The following MOBP variants were observed in gnomAD, a reference collection of about 807,000 sequenced individuals.
MOBP encodes myelin-associated oligodendrocyte basic protein.
MOBP carries 5 observed loss-of-function variants against 15.0 expected under a neutral mutation model. That is an observed-to-expected ratio of 0.33 (90% CI 0.17 to 0.70). The LOEUF is 0.70. Among genes scored for constraint, MOBP ranks in the 30% least tolerant of loss-of-function variants. The probability of loss-of-function intolerance (pLI) is 0.67; values close to 1 mark genes in which losing one functional copy is unlikely to be tolerated. For synonymous variants in MOBP, 88 were observed against 99.0 expected (o/e 0.89, Z 0.66); for missense variants, 188 against 257.8 (o/e 0.73, Z 1.85).
downstream of MOBP, chr3:39,527,948 G>A (rs1246434698): frequency 1.3e-5 from 2 of 152,156 alleles, no homozygotes; most frequent in African/African-American, 2.4e-5. Context: ...GGATGGCTGA[G>A]CTGACGGTCA....
At chr3:39,496,400 C>T (rs1305443218) in intron 2 of MOBP, among the ~76,000 whole-genome samples, 7 of 151,758 alleles carry the variant, frequency 4.6e-5, no homozygotes, top group Middle Eastern at 3.2e-3. Flanking sequence ...GGGGTTTCAC[C>T]GTGTTAGCCA....
chr3:39,507,075 C>T (rs1441945559), downstream of MOBP, among the ~76,000 whole-genome samples: 1 of 152,168 alleles, frequency 6.6e-6, no homozygotes, highest in Admixed American at 6.6e-5. Flanking sequence ...CTACTGAGCT[C>T]TCTGCTTATA....
rs145162392 is a variant in MOBP at position 39,508,630 on chromosome 3, A to G, written c.*-4753A>G. 4.7e-3 allele frequency among the ~76,000 whole-genome samples: 713 copies of G among 150,840 alleles called. 8 individuals are homozygous for G. The highest frequency in any genetic ancestry group is 0.017 in the African/African-American group (681 of 40,806). ...AATGGCATGATCTCGGCTCACTGCAACCTCTGCCTTCTGGGTTCAAGTGAT... is the reference window on the plus strand; with the variant it reads ...AATGGCATGATCTCGGCTCACTGCAGCCTCTGCCTTCTGGGTTCAAGTGAT... On this transcript the variant is annotated intron_variant, in intron 4 of 4. Coordinates refer to the MOBP transcript ENST00000311042.
At chr3:39,522,505 G>A (rs1311756590) in intron 3 of MOBP, among the ~76,000 whole-genome samples, 1 of 152,136 alleles carries the variant, frequency 6.6e-6, no homozygotes, top group African/African-American at 2.4e-5. Flanking sequence ...AAACAGTCTT[G>A]AAACCATGGC....
At chr3:39,525,086 AG>A (rs1484063560), downstream of MOBP, 1 of 152,206 alleles carries the variant, frequency 6.6e-6, no homozygotes, top group Non-Finnish European at 1.5e-5. Flanking sequence ...ACAAAGTAAA[AG>A]GGTATCCCAA....
intron 1 of MOBP, among the ~76,000 whole-genome samples, chr3:39,472,193 A>G (rs2042480964): frequency 6.6e-6 from 1 of 152,222 alleles, no homozygotes; most frequent in African/African-American, 2.4e-5. Context: ...AGATTACTAA[A>G]ATGAATTCCT....
chr3:39,484,160 A>T (rs1207385868), intron 2 of MOBP, among the ~76,000 whole-genome samples: 1 of 152,212 alleles, frequency 6.6e-6, no homozygotes, highest in Admixed American at 6.5e-5. Context: ...TCAAATCCTG[A>T]TGAGGTAAGA....
intron 2 of MOBP, among the ~76,000 whole-genome samples, chr3:39,486,167 T>A (rs1378894320): frequency 6.6e-6 from 1 of 152,216 alleles, no homozygotes; most frequent in African/African-American, 2.4e-5. Flanking sequence ...TAGGCATACA[T>A]TCTAGTTTAC....
chr3:39,476,889 T>TA (rs1044373588), intron 1 of MOBP, among the ~76,000 whole-genome samples: 1 of 151,888 alleles, frequency 6.6e-6, no homozygotes, highest in African/African-American at 2.4e-5. Flanking sequence ...CATTGACCAT[T>TA]AAAAAAAATT....
intron 4 of MOBP, among the ~76,000 whole-genome samples, chr3:39,511,144 C>T (rs1244011067): frequency 6.6e-6 from 1 of 152,172 alleles, no homozygotes; most frequent in Non-Finnish European, 1.5e-5. Flanking sequence ...CTAATGTCAT[C>T]TTAATGGTTA....
intron 1 of MOBP, among the ~76,000 whole-genome samples, chr3:39,468,245 A>G (rs977376754): frequency 7.2e-5 from 11 of 152,140 alleles, no homozygotes; most frequent in Non-Finnish European, 1.5e-5. Context: ...TGCCCCCTGT[A>G]GACCAACAAC....
At chr3:39,477,323 T>C (rs1437897137) in intron 1 of MOBP, among the ~76,000 whole-genome samples, 1 of 151,994 alleles carries the variant, frequency 6.6e-6, no homozygotes, top group African/African-American at 2.4e-5. Flanking sequence ...AACAATGTTT[T>C]GGTCAATGAC....
chr3:39,473,040 C>T (rs1337864987), intron 1 of MOBP, among the ~76,000 whole-genome samples: 1 of 152,178 alleles, frequency 6.6e-6, no homozygotes, highest in East Asian at 1.9e-4. Flanking sequence ...ACCTGGAAAT[C>T]TGCGGGGCTG....
At chr3:39,468,794 G>A (rs35650892) in intron 1 of MOBP, among the ~76,000 whole-genome samples, 72,226 of 101,874 alleles carry the variant, frequency 0.71, 27,798 homozygotes, top group African/African-American at 0.92. Flanking sequence ...ACATGTGTGT[G>A]TATATATACA....
chr3:39,474,615 A>C (rs1025005897), intron 1 of MOBP, among the ~76,000 whole-genome samples: 5 of 152,172 alleles, frequency 3.3e-5, no homozygotes, highest in Admixed American at 6.5e-5. Flanking sequence ...CCTAACTTAT[A>C]CACATCATCC....
At chr3:39,515,052 G>C (rs934465602) in exon 5 of MOBP, 5 of 150,874 alleles carry the variant, frequency 3.3e-5, no homozygotes, top group Non-Finnish European at 7.3e-5. Flanking sequence ...ATGTCTATGG[G>C]CTCTCATTTT....
chr3:39,468,970 GTA>G (rs1449501289), intron 1 of MOBP, among the ~76,000 whole-genome samples: 1 of 99,336 alleles, frequency 1.0e-5, no homozygotes, highest in South Asian at 2.9e-4. Flanking sequence ...ATATGTGTGT[GTA>G]TATATACATA....
intron 2 of MOBP, 22 bp downstream of exon 2, chr3:39,480,145 C>G (rs1298436426): frequency 6.6e-6 from 1 of 151,928 alleles, no homozygotes; most frequent in Non-Finnish European, 1.5e-5. Context: ...TCTCTTATAG[C>G]CTTTTGGATC....
chr3:39,520,582 GA>G (rs2043254486), downstream of MOBP, among the ~76,000 whole-genome samples: 1 of 151,626 alleles, frequency 6.6e-6, no homozygotes, highest in African/African-American at 2.4e-5. Flanking sequence ...GTATGAGAGA[GA>G]GAGAGAGAGA....
Sources: gnomAD v4.1 joint callset for allele counts (sites outside exome capture counted in the v4.1 genomes callset) on GRCh38, gnomAD v4.1.1 for gene constraint, MANE v1.5 for transcripts, NCBI Gene and HGNC (gene_info 2026-07-23, HGNC 2026-07-21) for gene names.